Variants in PPP4R2 observed in about 807,000 individuals in gnomAD.
The protein encoded by PPP4R2 is protein phosphatase 4 regulatory subunit 2, also known as serine/threonine-protein phosphatase 4 regulatory subunit 2.
A neutral mutation model predicts 47.2 loss-of-function variants in PPP4R2; 13 were observed. The observed-to-expected ratio is 0.28, with a 90% confidence interval of 0.18 to 0.44. PPP4R2 has a LOEUF of 0.44. Among genes scored for constraint, PPP4R2 ranks in the 20% least tolerant of loss-of-function variants. The probability of loss-of-function intolerance (pLI) is 1.00; values close to 1 mark genes in which losing one functional copy is unlikely to be tolerated. For synonymous variants in PPP4R2, 151 were observed against 163.3 expected, an observed-to-expected ratio of 0.92 and a Z score of 0.57; for missense variants, 421 against 491.2, an observed-to-expected ratio of 0.86 and a Z score of 1.35.
At position 73,065,758 on chromosome 3, in the gene PPP4R2, C is replaced by T. The variant is rs1193255340; in HGVS notation, c.*36C>T. 8 of 1,443,870 alleles carry T rather than the reference C, an allele frequency of 5.5e-6. No individual in the cohort carries two copies. Among genetic ancestry groups the T allele is most frequent in the Middle Eastern group, 1.8e-4 (1 of 5,558 alleles). The allele number at this position is 1,443,870 out of a possible 1,614,324, so 89.4% of individuals were successfully genotyped here. On this transcript the variant is annotated 3_prime_UTR_variant, in exon 9 of 9. Transcript: ENST00000356692. ...ACATTTAGATGCAGTATTTTACATA[C>T]AGTTCTGGTTTTAACACTGTATAAA...
intron 5 of PPP4R2, chr3:73,062,468 G>A (rs367969878): frequency 6.2e-7 from 1 of 1,612,926 alleles, no homozygotes; most frequent in South Asian, 1.1e-5. Flanking sequence ...TAGTATTCTT[G>A]TGTTTCATAT....
intron 2 of PPP4R2, among the ~76,000 whole-genome samples, chr3:73,044,826 G>A (rs530131974): frequency 2.2e-4 from 33 of 152,218 alleles, no homozygotes; most frequent in African/African-American, 7.5e-4. Context: ...AGTTGTAGGT[G>A]TTCTTTATAT....
intron 2 of PPP4R2, among the ~76,000 whole-genome samples, chr3:73,022,904 G>C (rs1701988556): frequency 6.6e-6 from 1 of 151,762 alleles, no homozygotes; most frequent in Non-Finnish European, 1.5e-5. Flanking sequence ...ATTCACTCTT[G>C]AAGGAAAGAC....
At chr3:73,021,521 C>T (rs1461146728) in intron 2 of PPP4R2, among the ~76,000 whole-genome samples, 1 of 152,014 alleles carries the variant, frequency 6.6e-6, no homozygotes, top group Non-Finnish European at 1.5e-5. Context: ...CAAGCATAAG[C>T]CATCACGCCC....
intron 2 of PPP4R2, among the ~76,000 whole-genome samples, chr3:73,023,336 G>A (rs1177697682): frequency 1.3e-5 from 2 of 151,916 alleles, no homozygotes; most frequent in East Asian, 1.9e-4. Flanking sequence ...ACGGGCATGC[G>A]CCACCATGCC....
chr3:73,022,479 G>A (rs1701980298), intron 2 of PPP4R2, among the ~76,000 whole-genome samples: 1 of 152,150 alleles, frequency 6.6e-6, no homozygotes, highest in South Asian at 2.1e-4. Flanking sequence ...CATAATGTGT[G>A]AAGTGCTTAG....
intron 3 of PPP4R2, among the ~76,000 whole-genome samples, chr3:73,052,176 GTATATT>G (rs1702627916): frequency 6.7e-6 from 1 of 150,322 alleles, no homozygotes; most frequent in African/African-American, 2.5e-5. Flanking sequence ...AAGAATAAAA[GTATATT>G]TATATCTATT....
intron 2 of PPP4R2, among the ~76,000 whole-genome samples, chr3:72,998,517 T>C (rs1299642036): frequency 6.6e-6 from 1 of 152,224 alleles, no homozygotes; most frequent in Non-Finnish European, 1.5e-5. Flanking sequence ...GTGGCTTTGA[T>C]TCTGTTTCAG....
At chr3:73,039,231 C>G (rs780117456) in intron 2 of PPP4R2, among the ~76,000 whole-genome samples, 5 of 152,208 alleles carry the variant, frequency 3.3e-5, no homozygotes, top group South Asian at 2.1e-4. Flanking sequence ...TCAAGTGATT[C>G]TCCTGCCTCA....
intron 5 of PPP4R2, chr3:73,063,033 TA>T (rs373376316): frequency 1.1e-5 from 9 of 854,182 alleles, no homozygotes; most frequent in Non-Finnish European, 1.3e-5. Context: ...AAACAATGGT[TA>T]AAAAGGCATT....
At chr3:73,015,440 G>A (rs1031998091) in intron 2 of PPP4R2, among the ~76,000 whole-genome samples, 1 of 148,302 alleles carries the variant, frequency 6.7e-6, no homozygotes, top group Admixed American at 6.8e-5. Context: ...GCCTCCCAAA[G>A]TTGGGATTAC....
At chr3:73,063,394 T>C in intron 5 of PPP4R2, 1 of 252,992 alleles carries the variant, frequency 4.0e-6, no homozygotes, top group South Asian at 6.5e-5. Flanking sequence ...GAGGCCGAGG[T>C]GGGCCGATCA....
chr3:73,025,771 A>G (rs559890829), intron 2 of PPP4R2, among the ~76,000 whole-genome samples: 1 of 152,330 alleles, frequency 6.6e-6, no homozygotes, highest in East Asian at 1.9e-4. Context: ...GAAATTAATG[A>G]AGGCTTTTGA....
intron 2 of PPP4R2, among the ~76,000 whole-genome samples, chr3:73,000,118 G>A (rs1343913015): frequency 6.6e-6 from 1 of 152,166 alleles, no homozygotes; most frequent in East Asian, 1.9e-4. Context: ...GGATGTGGTG[G>A]CTCATGCCTG....
At chr3:73,000,723 G>A (rs1439880490) in intron 2 of PPP4R2, among the ~76,000 whole-genome samples, 1 of 152,192 alleles carries the variant, frequency 6.6e-6, no homozygotes, top group Non-Finnish European at 1.5e-5. Context: ...ATCCCCAGGT[G>A]AATTGTTTCT....
intron 3 of PPP4R2, among the ~76,000 whole-genome samples, chr3:73,056,054 A>G (rs1446522723): frequency 1.3e-5 from 2 of 152,200 alleles, no homozygotes; most frequent in African/African-American, 4.8e-5. Context: ...TTTTCTTAGT[A>G]TGTGTGGGAA....
At chr3:73,017,071 C>T (rs1701855819) in intron 2 of PPP4R2, among the ~76,000 whole-genome samples, 1 of 152,058 alleles carries the variant, frequency 6.6e-6, no homozygotes, top group Admixed American at 6.6e-5. Context: ...AAGTGATCTG[C>T]TTGCTTTGGC....
intron 5 of PPP4R2, 63 bp downstream of exon 5, chr3:73,061,123 AAT>A (rs1271615547): frequency 2.7e-6 from 2 of 729,190 alleles, no homozygotes; most frequent in Admixed American, 3.4e-5. Flanking sequence ...TATTGCTTCT[AAT>A]ATATTATTCT....
At chr3:73,003,762 G>T (rs551728618) in intron 2 of PPP4R2, among the ~76,000 whole-genome samples, 2 of 151,730 alleles carry the variant, frequency 1.3e-5, no homozygotes, top group Non-Finnish European at 2.9e-5. Flanking sequence ...GCAGTGGTGC[G>T]ATCTTGACTC....
Sources: gnomAD v4.1 joint callset for allele counts (sites outside exome capture counted in the v4.1 genomes callset) on GRCh38, gnomAD v4.1.1 for gene constraint, MANE v1.5 for transcripts, NCBI Gene and HGNC (gene_info 2026-07-23, HGNC 2026-07-21) for gene names.